The following INPP5F variants were observed in gnomAD, a reference collection of about 807,000 sequenced individuals.
INPP5F encodes the protein inositol polyphosphate-5-phosphatase F.
INPP5F carries 97 observed loss-of-function variants against 137.2 expected under a neutral mutation model. The observed-to-expected ratio is 0.71, with a 90% CI of 0.60 to 0.84. The LOEUF (loss-of-function observed/expected upper bound fraction) is 0.84. Among genes scored for constraint, INPP5F ranks in the 40% least tolerant of loss-of-function variants. INPP5F has a pLI of 0.00. For synonymous variants in INPP5F, 504 were observed against 476.9 expected, an observed-to-expected ratio of 1.06 and a Z score of -0.74; for missense variants, 1,271 against 1,371.9, an observed-to-expected ratio of 0.93 and a Z score of 1.16.
At chr10:119,739,118 G>C (rs1295988103) in intron 1 of INPP5F, among the ~76,000 whole-genome samples, 3 of 152,122 alleles carry the variant, frequency 2.0e-5, no homozygotes, top group African/African-American at 7.2e-5. Flanking sequence ...CCAGTTGGAG[G>C]CTGCAGTGAG....
intron 3 of INPP5F, among the ~76,000 whole-genome samples, chr10:119,785,404 G>A (rs1248379724): frequency 1.3e-5 from 2 of 150,752 alleles, no homozygotes; most frequent in Non-Finnish European, 2.9e-5. Context: ...TCCTGCTTCA[G>A]TCTCCCGAGT....
In INPP5F at chr10:119,735,300, C is replaced by T. The variant is rs1185405440; in HGVS notation, c.97+8941C>T. Among the ~76,000 whole-genome samples the T allele has an allele frequency of 3.3e-5, 5 of 152,096 alleles. No homozygotes were observed. In the South Asian group the frequency reaches 8.3e-4, roughly 25 times the overall value. ...GTTATTTTATTTTAATTTCAGTTTC[C>T]TTCAAGTTTACCCTTGCATTTTTTT... On this transcript the variant is annotated intron_variant, in intron 1 of 19. Transcript: ENST00000650623.
chr10:119,814,166 C>T (rs1851162191), intron 15 of INPP5F, among the ~76,000 whole-genome samples: 1 of 152,012 alleles, frequency 6.6e-6, no homozygotes. Context: ...CTGAGGCGGG[C>T]AGATCACAAG....
chr10:119,777,540 A>G (rs992335106), intron 2 of INPP5F, among the ~76,000 whole-genome samples: 3 of 152,138 alleles, frequency 2.0e-5, no homozygotes, highest in African/African-American at 7.3e-5. Flanking sequence ...AAATAAATAA[A>G]TAAAATAATA....
chr10:119,762,226 G>C (rs902165253), intron 2 of INPP5F, among the ~76,000 whole-genome samples: 1 of 152,186 alleles, frequency 6.6e-6, no homozygotes, highest in African/African-American at 2.4e-5. Flanking sequence ...CATGGACTGG[G>C]TGGCTTGTAA....
chr10:119,778,281 T>A lies in INPP5F; in HGVS notation c.179-3354T>A, dbSNP rs986756954. On this transcript the variant is annotated intron_variant, in intron 2 of 19. Coordinates refer to ENST00000650623, the MANE Select transcript of INPP5F (RefSeq NM_014937.4). The stretch of plus-strand genomic sequence containing the variant: ...CCCTGGCCTCCCAAAGTGCTAGGAT[T>A]ATAGGTGTGAGCCACTGCACCCAGC... Among the ~76,000 whole-genome samples, 17 of 152,276 alleles carry A rather than the reference T, an allele frequency of 1.1e-4. No homozygotes were observed. The East Asian group carries it at 1.7e-3, about 16-fold the overall frequency.
At chr10:119,821,494 A>C (rs1262930948) in intron 16 of INPP5F, among the ~76,000 whole-genome samples, 1 of 152,190 alleles carries the variant, frequency 6.6e-6, no homozygotes, top group Non-Finnish European at 1.5e-5. Flanking sequence ...GTTTCCTCAC[A>C]CCTTACCAGA....
intron 1 of INPP5F, among the ~76,000 whole-genome samples, chr10:119,739,616 A>T (rs1332457637): frequency 6.6e-6 from 1 of 152,136 alleles, no homozygotes; most frequent in East Asian, 1.9e-4. Context: ...CAGACTTAAT[A>T]GTCTGTCTGT....
intron 1 of INPP5F, among the ~76,000 whole-genome samples, chr10:119,729,311 A>T (rs1847982478): frequency 6.6e-6 from 1 of 151,764 alleles, no homozygotes; most frequent in Non-Finnish European, 1.5e-5. Flanking sequence ...TCACCCAGCT[A>T]ATTTTTGTAT....
intron 11 of INPP5F, among the ~76,000 whole-genome samples, chr10:119,805,676 G>A (rs1223630199): frequency 6.6e-6 from 1 of 152,298 alleles, no homozygotes; most frequent in Middle Eastern, 3.4e-3. Flanking sequence ...GCCAAATGAA[G>A]TGAAACGCTC....
intron 15 of INPP5F, chr10:119,818,712 T>TGCCGCATTC (rs571705508): frequency 2.3e-4 from 35 of 152,420 alleles, no homozygotes; most frequent in Admixed American, 5.9e-4. Context: ...GCGTCGCAGT[T>TGCCGCATTC]GCCGCATTCG....
At chr10:119,770,834 T>C (rs1849311875) in intron 2 of INPP5F, among the ~76,000 whole-genome samples, 2 of 152,220 alleles carry the variant, frequency 1.3e-5, no homozygotes, top group African/African-American at 4.8e-5. Flanking sequence ...CCTCCATTTT[T>C]GGCAGAAAGT....
intron 6 of INPP5F, chr10:119,793,675 ATC>A (rs1441105247): frequency 6.6e-6 from 1 of 152,204 alleles, no homozygotes; most frequent in African/African-American, 2.4e-5. Context: ...TTGACACAGT[ATC>A]TCTCTGTCAC....
intron 1 of INPP5F, 112 bp from the exon 2 acceptor site, chr10:119,750,964 T>G: frequency 1.4e-6 from 1 of 720,742 alleles, no homozygotes; most frequent in Non-Finnish European, 2.5e-6. Flanking sequence ...CATTTGGATA[T>G]TCATACTGCT....
intron 3 of INPP5F, among the ~76,000 whole-genome samples, chr10:119,786,393 G>T (rs1201682427): frequency 6.6e-6 from 1 of 152,038 alleles, no homozygotes; most frequent in African/African-American, 2.4e-5. Flanking sequence ...AATACCTTAG[G>T]ACTGGGAAGG....
At chr10:119,764,559 A>G (rs1849100363) in intron 2 of INPP5F, among the ~76,000 whole-genome samples, 1 of 151,534 alleles carries the variant, frequency 6.6e-6, no homozygotes, top group Non-Finnish European at 1.5e-5. Flanking sequence ...AGTAGTAAAT[A>G]CATTTTCTCT....
chr10:119,781,181 T>C (rs1247342249), intron 2 of INPP5F, among the ~76,000 whole-genome samples: 21 of 152,244 alleles, frequency 1.4e-4, no homozygotes. Context: ...GTATATACTT[T>C]GGTTGTTGAG....
At chr10:119,753,168 C>T (rs1252825470) in intron 2 of INPP5F, among the ~76,000 whole-genome samples, 1 of 152,110 alleles carries the variant, frequency 6.6e-6, no homozygotes, top group African/African-American at 2.4e-5. Context: ...AATTTCACAG[C>T]TGGGTGTTCT....
chr10:119,745,979 T>G (rs1175689812), intron 1 of INPP5F, among the ~76,000 whole-genome samples: 1 of 152,108 alleles, frequency 6.6e-6, no homozygotes, highest in East Asian at 1.9e-4. Context: ...TGGGATTACA[T>G]GTGTGAGCCA....
Sources: gnomAD v4.1 joint callset for allele counts (sites outside exome capture counted in the v4.1 genomes callset) on GRCh38, gnomAD v4.1.1 for gene constraint, MANE v1.5 for transcripts, NCBI Gene and HGNC (gene_info 2026-07-23, HGNC 2026-07-21) for gene names.